The following SFXN1 variants were observed in gnomAD, a reference collection of about 807,000 sequenced individuals.
The protein encoded by SFXN1 is sideroflexin-1.
A neutral mutation model predicts 39.5 loss-of-function variants in SFXN1; 32 were observed. The ratio of observed to expected loss-of-function variants is 0.81; its 90% CI spans 0.61 to 1.09. SFXN1 has a LOEUF of 1.09. Among genes scored for constraint, SFXN1 ranks in the 50% least tolerant of loss-of-function variants. SFXN1 has a pLI of 0.00. For missense variants in SFXN1, 402 were observed against 407.1 expected (o/e 0.99, Z 0.11); for synonymous variants, 136 against 146.5 (o/e 0.93, Z 0.52).
intron 1 of SFXN1, among the ~76,000 whole-genome samples, chr5:175,488,197 C>T (rs575893599): frequency 2.0e-4 from 31 of 152,308 alleles, no homozygotes; most frequent in African/African-American, 7.5e-4. Flanking sequence ...TCATCTGACT[C>T]CAACCTGAGC....
intron 8 of SFXN1, 149 bp from the exon 9 acceptor site, chr5:175,521,770 C>A (rs1226463340): frequency 3.4e-6 from 2 of 592,124 alleles, no homozygotes; most frequent in Non-Finnish European, 6.0e-6. Context: ...TAGGCTAACA[C>A]CCTTGTTGCA....
chr5:175,488,465 A>G (rs1409546112), intron 1 of SFXN1, among the ~76,000 whole-genome samples: 11 of 151,902 alleles, frequency 7.2e-5, no homozygotes. Flanking sequence ...ACCACGCCTG[A>G]CTAATTTTGT....
chr5:175,498,276 C>A (rs1395087820), intron 2 of SFXN1, among the ~76,000 whole-genome samples: 1 of 152,024 alleles, frequency 6.6e-6, no homozygotes, highest in Non-Finnish European at 1.5e-5. Context: ...AATAGTAAAC[C>A]CTGCAAGGTA....
At position 175,522,493 on chromosome 5, in the gene SFXN1, A is replaced by G. The variant is rs760591476; in HGVS notation, c.872+71A>G. The stretch of plus-strand genomic sequence containing the variant: ...AAAACCAATTGAAGGTGCAGGTGCC[A>G]TTATTCCATTTCATTGGCAGGGAAG... On this transcript the variant is annotated intron_variant, in intron 10 of 10. Transcript: ENST00000321442. The G allele has an allele frequency of 3.4e-6, 5 of 1,453,582 alleles. No homozygotes were observed. In the South Asian group the frequency reaches 4.9e-5, roughly 14 times the overall value. 90.0% of individuals were successfully genotyped at this position (1,453,582 alleles called of 1,614,324 possible).
rs564047451 is a variant in SFXN1 at position 175,522,529 on chromosome 5, A to G, written c.872+107A>G. On this transcript the variant is annotated intron_variant, in intron 10 of 10. Coordinates refer to ENST00000321442, the MANE Select transcript of SFXN1 (RefSeq NM_022754.7). ...TCATTGGCAGGGAAGTTGAGACTCA[A>G]AAGATACTGAAGCCAGGGTCTCTTA... The G allele has an allele frequency of 3.2e-4, 357 of 1,131,178 alleles. 6 individuals carry two copies. The South Asian group carries it at 4.0e-3, about 13-fold the overall frequency. The allele number at this position is 1,131,178 out of a possible 1,614,324, so 70.1% of individuals were successfully genotyped here.
chr5:175,512,100 C>A lies in SFXN1; in HGVS notation c.511-11C>A. 6.2e-7 allele frequency: 1 copy of A among 1,610,746 alleles called. No individual in the cohort carries two copies. Among genetic ancestry groups the A allele is most frequent in the Non-Finnish European group, 8.5e-7 (1 of 1,178,706 alleles). On this transcript the variant is annotated splice_polypyrimidine_tract_variant and intron_variant, in intron 5 of 10. Transcript: ENST00000321442. ...AATAAGATAAAGCTCTTGAAATTTTCTCCTCTGCAGCATGTCTCACCACTG... is the reference window on the plus strand; with the variant it reads ...AATAAGATAAAGCTCTTGAAATTTTATCCTCTGCAGCATGTCTCACCACTG...
chr5:175,481,334 G>T lies in SFXN1; in HGVS notation c.-10+2695G>T, dbSNP rs529907894. On this transcript the variant is annotated intron_variant, in intron 1 of 10. Transcript: ENST00000321442. Reference sequence around the variant, plus strand: ...TTTGTTTTTTGTTGTTGTTTGTTTGGTTTTTGAGATGGAGTCTCGCTCTGT... The same window carrying T: ...TTTGTTTTTTGTTGTTGTTTGTTTGTTTTTTGAGATGGAGTCTCGCTCTGT... Among the ~76,000 whole-genome samples, 309 of 152,176 alleles carry T rather than the reference G, an allele frequency of 2.0e-3. 1 individual carries two copies. The highest frequency in any genetic ancestry group is 6.5e-3 in the African/African-American group (270 of 41,504).
At chr5:175,482,157 GT>G (rs1759277543) in intron 1 of SFXN1, among the ~76,000 whole-genome samples, 1 of 152,172 alleles carries the variant, frequency 6.6e-6, no homozygotes, top group African/African-American at 2.4e-5. Flanking sequence ...TGGGTGTTCC[GT>G]CATGTCCCCT....
At chr5:175,506,664 G>A (rs950596453) in intron 2 of SFXN1, among the ~76,000 whole-genome samples, 3 of 151,846 alleles carry the variant, frequency 2.0e-5, no homozygotes, top group African/African-American at 7.3e-5. Context: ...AAAAGTTGGT[G>A]TATTCATTTC....
intron 2 of SFXN1, among the ~76,000 whole-genome samples, chr5:175,506,897 C>A (rs1197419485): frequency 1.3e-5 from 2 of 152,194 alleles, no homozygotes; most frequent in East Asian, 3.9e-4. Flanking sequence ...AACTCCTGAC[C>A]TCGTGATCCA....
Position 175,505,257 on chromosome 5 carries a change from G to A in SFXN1, c.165-3775G>A, listed in dbSNP as rs1345634594. ...TAAAACTGATAAAATAATTCTGACC[G>A]GGTGCAGTGACTCATGCCTGTTATC... On this transcript the variant is annotated intron_variant, in intron 2 of 10. Transcript: ENST00000321442. Among the ~76,000 whole-genome samples, 4 of 151,964 alleles carry A rather than the reference G, an allele frequency of 2.6e-5. No homozygotes were observed. In the South Asian group the frequency reaches 6.2e-4, roughly 24 times the overall value.
At chr5:175,494,711 C>T (rs1759790693) in intron 2 of SFXN1, among the ~76,000 whole-genome samples, 1 of 151,298 alleles carries the variant, frequency 6.6e-6, no homozygotes, top group South Asian at 2.1e-4. Context: ...GAGATCATGC[C>T]ACTGCACTCC....
rs1057285683 is a variant in SFXN1 at position 175,528,007 on chromosome 5, C to A, written c.*1273C>A. 1 of 151,182 alleles carries A rather than the reference C, an allele frequency of 6.6e-6. No individual in the cohort carries two copies. The highest frequency in any genetic ancestry group is 1.5e-5 in the Non-Finnish European group (1 of 67,900). The allele number at this position is 151,182 out of a possible 1,614,324, so 9.4% of individuals were successfully genotyped here. On this transcript the variant is annotated 3_prime_UTR_variant, in exon 11 of 11. Coordinates refer to ENST00000321442, the MANE Select transcript of SFXN1 (RefSeq NM_022754.7). ...TAGTCTCGGCTCACTGCAAGCTCCG[C>A]CTCCCGGGTTCACGCCGTTCTCCTG...
intron 2 of SFXN1, among the ~76,000 whole-genome samples, chr5:175,506,728 A>G (rs2662163): frequency 0.25 from 37,692 of 151,882 alleles, 6,449 homozygotes; most frequent in African/African-American, 0.48. Flanking sequence ...GTGCAGTAGC[A>G]CAATCTCAGC....
At chr5:175,490,894 A>T (rs527826583) in intron 1 of SFXN1, among the ~76,000 whole-genome samples, 6 of 152,284 alleles carry the variant, frequency 3.9e-5, no homozygotes, top group Non-Finnish European at 7.3e-5. Context: ...ATATCAACTA[A>T]TTTTTTAAAT....
intron 2 of SFXN1, among the ~76,000 whole-genome samples, chr5:175,504,761 C>T (rs560115674): frequency 3.2e-4 from 48 of 152,088 alleles, no homozygotes; most frequent in Non-Finnish European, 6.8e-4. Context: ...CGGAGTCTTG[C>T]TCTGTCGCCC....
chr5:175,506,070 G>A (rs970839264), intron 2 of SFXN1, among the ~76,000 whole-genome samples: 20 of 152,062 alleles, frequency 1.3e-4, no homozygotes, highest in Non-Finnish European at 1.9e-4. Context: ...TGCCCGTCTC[G>A]GCCTCCCAAA....
chr5:175,512,608 T>G (rs1446502610), intron 6 of SFXN1, among the ~76,000 whole-genome samples: 1 of 152,228 alleles, frequency 6.6e-6, no homozygotes, highest in African/African-American at 2.4e-5. Flanking sequence ...AGTACATTAT[T>G]CTATATCTTT....
intron 2 of SFXN1, among the ~76,000 whole-genome samples, chr5:175,501,923 G>A (rs564893802): frequency 3.9e-5 from 6 of 152,270 alleles, no homozygotes; most frequent in South Asian, 2.1e-4. Flanking sequence ...GAGGGAGACC[G>A]GAGTTTTATT....
Sources: allele counts gnomAD v4.1 joint callset (sites outside exome capture counted in the v4.1 genomes callset), GRCh38; gene constraint gnomAD v4.1.1; transcripts MANE v1.5; gene names NCBI Gene and HGNC (gene_info 2026-07-23, HGNC 2026-07-21).